Variants in ZBTB20 observed in about 807,000 individuals in gnomAD.
ZBTB20 encodes zinc finger and BTB domain-containing protein 20.
A neutral mutation model predicts 56.9 loss-of-function variants in ZBTB20; 9 were observed. The observed-to-expected ratio is 0.16, with a 90% CI of 0.10 to 0.28. The LOEUF is 0.28. Ranked by LOEUF, ZBTB20 falls within the 10% of genes least tolerant of loss-of-function variation. ZBTB20 has a pLI of 1.00. For synonymous variants in ZBTB20, 417 were observed against 420.7 expected (o/e 0.99, Z 0.11); for missense variants, 655 against 1,003.0 (o/e 0.65, Z 4.69).
chr3:114,707,387 C>A (rs2063776996), intron 5 of ZBTB20, among the ~76,000 whole-genome samples: 1 of 152,118 alleles, frequency 6.6e-6, no homozygotes, highest in Non-Finnish European at 1.5e-5. Flanking sequence ...CAATTCCCTA[C>A]CCCCAATCAC....
chr3:114,446,139 G>A (rs1299271258), intron 7 of ZBTB20, among the ~76,000 whole-genome samples: 1 of 152,052 alleles, frequency 6.6e-6, no homozygotes, highest in Non-Finnish European at 1.5e-5. Context: ...TAAATAAAGG[G>A]TTGAAAGCCT....
At chr3:114,342,630 C>T (rs965575780) in intron 11 of ZBTB20, among the ~76,000 whole-genome samples, 3 of 152,028 alleles carry the variant, frequency 2.0e-5, no homozygotes, top group Non-Finnish European at 2.9e-5. Flanking sequence ...CTCGTGAAGG[C>T]GTTTTGAAAA....
At chr3:114,761,361 T>C (rs2068425338) in intron 5 of ZBTB20, among the ~76,000 whole-genome samples, 1 of 152,130 alleles carries the variant, frequency 6.6e-6, no homozygotes, top group African/African-American at 2.4e-5. Flanking sequence ...AGTAACATTA[T>C]ATGTTAGGTA....
At chr3:114,608,777 G>C (rs1560030524) in intron 6 of ZBTB20, among the ~76,000 whole-genome samples, 2 of 152,034 alleles carry the variant, frequency 1.3e-5, no homozygotes, top group Non-Finnish European at 2.9e-5. Flanking sequence ...ATGTAACAGA[G>C]GGTTTCTTTT....
intron 1 of ZBTB20, among the ~76,000 whole-genome samples, chr3:115,139,037 C>G (rs1411293244): frequency 6.6e-6 from 1 of 152,008 alleles, no homozygotes; most frequent in Admixed American, 6.6e-5. Flanking sequence ...TTGGGTCCAA[C>G]AATTGATCTA....
At chr3:115,060,118 A>AC (rs1414548287) in intron 2 of ZBTB20, among the ~76,000 whole-genome samples, 1 of 152,166 alleles carries the variant, frequency 6.6e-6, no homozygotes, top group African/African-American at 2.4e-5. Flanking sequence ...ACTTTGTATC[A>AC]TTACTCAAAC....
intron 5 of ZBTB20, among the ~76,000 whole-genome samples, chr3:114,739,732 T>C (rs2066440274): frequency 6.6e-6 from 1 of 152,238 alleles, no homozygotes; most frequent in African/African-American, 2.4e-5. Context: ...ATGTAGGAAC[T>C]GATATACAGT....
At chr3:114,409,047 GA>G (rs1245863864) in intron 7 of ZBTB20, among the ~76,000 whole-genome samples, 1 of 144,078 alleles carries the variant, frequency 6.9e-6, no homozygotes, top group East Asian at 2.1e-4. Context: ...TTCATGGCAG[GA>G]AAAAACCAAA....
intron 7 of ZBTB20, among the ~76,000 whole-genome samples, chr3:114,440,577 T>C (rs925179618): frequency 2.6e-5 from 4 of 152,204 alleles, no homozygotes; most frequent in Admixed American, 6.5e-5. Context: ...TTGCTCTTCA[T>C]GGGCTTTGAT....
chr3:114,491,021 C>A (rs754168632), intron 7 of ZBTB20, among the ~76,000 whole-genome samples: 4 of 152,184 alleles, frequency 2.6e-5, no homozygotes, highest in Admixed American at 6.5e-5. Flanking sequence ...GGACTGTGAG[C>A]TATTTGAAGG....
At chr3:114,488,348 T>C (rs2042371487) in intron 7 of ZBTB20, among the ~76,000 whole-genome samples, 2 of 152,260 alleles carry the variant, frequency 1.3e-5, no homozygotes, top group African/African-American at 4.8e-5. Flanking sequence ...TATTGTGTTA[T>C]TCATCCTTTC....
chr3:114,556,337 T>G (rs748954518), intron 6 of ZBTB20, among the ~76,000 whole-genome samples: 5 of 152,034 alleles, frequency 3.3e-5, no homozygotes, highest in African/African-American at 1.2e-4. Context: ...CCTTAGATAA[T>G]AGGATCACTT....
chr3:114,753,417 A>ATATATATATACACACG (rs2067751255), intron 5 of ZBTB20, among the ~76,000 whole-genome samples: 1 of 137,408 alleles, frequency 7.3e-6, no homozygotes, highest in African/African-American at 2.8e-5. Context: ...ACACACGTAT[A>ATATATATATACACACG]TATATATATA....
At chr3:114,605,815 T>C (rs896317027) in intron 6 of ZBTB20, among the ~76,000 whole-genome samples, 2 of 151,930 alleles carry the variant, frequency 1.3e-5, no homozygotes, top group African/African-American at 2.4e-5. Context: ...AAAGGGATTC[T>C]AGGTATAGGT....
At chr3:114,386,417 T>A (rs942609813) in intron 8 of ZBTB20, among the ~76,000 whole-genome samples, 3 of 152,164 alleles carry the variant, frequency 2.0e-5, no homozygotes, top group Admixed American at 1.3e-4. Context: ...AAAACTGTAT[T>A]TGGAGCTGCA....
chr3:114,392,979 A>G (rs973787927), intron 7 of ZBTB20, among the ~76,000 whole-genome samples: 14 of 152,216 alleles, frequency 9.2e-5, no homozygotes, highest in East Asian at 1.9e-4. Flanking sequence ...TGTTAGCTCC[A>G]ATACTACAAG....
At chr3:115,013,302 G>C (rs1243951591) in intron 2 of ZBTB20, among the ~76,000 whole-genome samples, 1 of 151,356 alleles carries the variant, frequency 6.6e-6, no homozygotes, top group Non-Finnish European at 1.5e-5. Flanking sequence ...AAACAAAATT[G>C]ACAAACTTTT....
At chr3:114,485,123 C>G (rs1461258963) in intron 7 of ZBTB20, among the ~76,000 whole-genome samples, 1 of 152,172 alleles carries the variant, frequency 6.6e-6, no homozygotes, top group Admixed American at 6.5e-5. Context: ...GCATGCTGGT[C>G]TGAAAGTCAA....
At chr3:114,618,955 T>C in intron 6 of ZBTB20, among the ~76,000 whole-genome samples, 1 of 152,324 alleles carries the variant, frequency 6.6e-6, no homozygotes, top group South Asian at 2.1e-4. Context: ...ATTAGGTGTT[T>C]TTCATAAAAA....
Sources: gnomAD v4.1 joint callset for allele counts (sites outside exome capture counted in the v4.1 genomes callset) on GRCh38, gnomAD v4.1.1 for gene constraint, MANE v1.5 for transcripts, NCBI Gene and HGNC (gene_info 2026-07-23, HGNC 2026-07-21) for gene names.